Variants in MARK3 observed in about 807,000 individuals in gnomAD.
The protein encoded by MARK3 is microtubule affinity regulating kinase 3.
A neutral mutation model predicts 90.1 loss-of-function variants in MARK3; 46 were observed. The ratio of observed to expected loss-of-function variants is 0.51; its 90% CI spans 0.40 to 0.65. The LOEUF (loss-of-function observed/expected upper bound fraction) is 0.65, where lower values mean the gene tolerates loss of function less well. Among genes scored for constraint, MARK3 ranks in the 30% least tolerant of loss-of-function variants. MARK3 has a pLI of 0.00. For missense variants in MARK3, 818 were observed against 947.2 expected, an observed-to-expected ratio of 0.86 and a Z score of 1.79; for synonymous variants, 321 against 332.6, an observed-to-expected ratio of 0.97 and a Z score of 0.38.
At chr14:103,454,893 C>T (rs767405487) in intron 5 of MARK3, among the ~76,000 whole-genome samples, 1 of 152,196 alleles carries the variant, frequency 6.6e-6, no homozygotes, top group South Asian at 2.1e-4. Context: ...CATCCAGCCA[C>T]CTGTTCCTGC....
At chr14:103,461,246 T>C (rs1175278826) in intron 6 of MARK3, among the ~76,000 whole-genome samples, 1 of 152,226 alleles carries the variant, frequency 6.6e-6, no homozygotes, top group Non-Finnish European at 1.5e-5. Context: ...TAGATGCAAG[T>C]ACAGCAAAAT....
chr14:103,426,600 A>T (rs2092411886), intron 2 of MARK3, among the ~76,000 whole-genome samples: 2 of 152,174 alleles, frequency 1.3e-5, no homozygotes, highest in Non-Finnish European at 2.9e-5. Context: ...GTCATGGCAA[A>T]GCCTCTCTCC....
chr14:103,424,496 A>G (rs1194023522), intron 2 of MARK3, among the ~76,000 whole-genome samples: 1 of 151,114 alleles, frequency 6.6e-6, no homozygotes, highest in Non-Finnish European at 1.5e-5. Flanking sequence ...ACTGCACTCC[A>G]CCCTGGACAA....
intron 3 of MARK3, among the ~76,000 whole-genome samples, chr14:103,430,535 T>A (rs2092551657): frequency 6.6e-6 from 1 of 152,192 alleles, no homozygotes; most frequent in Non-Finnish European, 1.5e-5. Context: ...GATTTAAAGC[T>A]GTGGAGCATG....
chr14:103,392,144 A>G (rs982691578), intron 1 of MARK3, among the ~76,000 whole-genome samples: 1 of 152,156 alleles, frequency 6.6e-6, no homozygotes, highest in Non-Finnish European at 1.5e-5. Flanking sequence ...TGTGAAACTG[A>G]TGATGCTGTT....
chr14:103,455,635 C>T (rs773981933), intron 5 of MARK3, among the ~76,000 whole-genome samples: 1 of 148,844 alleles, frequency 6.7e-6, no homozygotes, highest in East Asian at 2.0e-4. Flanking sequence ...GGCTGAGGCA[C>T]GAGAATTGCT....
intron 11 of MARK3, chr14:103,467,674 C>CAGAAAAAAAA (rs2093537196): frequency 2.2e-5 from 1 of 44,910 alleles, no homozygotes; most frequent in Non-Finnish European, 3.6e-5. Context: ...GACTCTGTCT[C>CAGAAAAAAAA]AAAAAAAAAA....
intron 1 of MARK3, among the ~76,000 whole-genome samples, chr14:103,401,362 T>G (rs2090955596): frequency 6.6e-6 from 1 of 152,154 alleles, no homozygotes; most frequent in Admixed American, 6.6e-5. Flanking sequence ...CTATTATGAT[T>G]GTTGATTTGC....
chr14:103,466,336 T>C lies in MARK3; in HGVS notation c.898-7T>C, dbSNP rs747581833. ...TACTCTGCTAATGAACAGTTTACCT[T>C]TTTTAGCAAATCATGAAGGACAGGT... On this transcript the variant is annotated splice_region_variant and splice_polypyrimidine_tract_variant and intron_variant, in intron 9 of 17. Coordinates refer to ENST00000429436, the MANE Select transcript of MARK3 (RefSeq NM_001128918.3). 1 of 1,601,584 alleles carries C rather than the reference T, an allele frequency of 6.2e-7. No individual in the cohort carries two copies. Among genetic ancestry groups the C allele is most frequent in the South Asian group, 1.1e-5 (1 of 90,250 alleles).
chr14:103,461,014 C>T (rs761490246), intron 6 of MARK3, among the ~76,000 whole-genome samples: 2 of 152,132 alleles, frequency 1.3e-5, no homozygotes. Flanking sequence ...TTTTTGTTAT[C>T]ATCTCATCCT....
chr14:103,440,298 T>C (rs1347288582), intron 3 of MARK3, among the ~76,000 whole-genome samples: 1 of 152,260 alleles, frequency 6.6e-6, no homozygotes, highest in East Asian at 1.9e-4. Flanking sequence ...GGCACACTTG[T>C]GAAGAGTTTC....
chr14:103,480,325 A>AT lies in MARK3; in HGVS notation c.1483-56dup, dbSNP rs566290982. ...CATTCCTATTTATGTAGATAAGTTC[A>AT]TTTTTTCTCATTGTACTGTATTTAC... On this transcript the variant is annotated intron_variant, in intron 13 of 17. Transcript: ENST00000429436. 75 of 998,242 alleles carry AT rather than the reference A, an allele frequency of 7.5e-5. No individual in the cohort carries two copies. The Middle Eastern group carries it at 1.1e-3, about 14-fold the overall frequency. The allele number at this position is 998,242 out of a possible 1,614,324, so 61.8% of individuals were successfully genotyped here. A position where few individuals can be genotyped will look rare whatever the true frequency, so the allele number is the denominator to read the frequency against.
chr14:103,462,524 C>G (rs1369065555), intron 7 of MARK3, 63 bp downstream of exon 7: 3 of 1,254,870 alleles, frequency 2.4e-6, no homozygotes, highest in Admixed American at 3.7e-5. Context: ...TCTCAGTGGT[C>G]ATTACACAAA....
At position 103,423,976 on chromosome 14, in the gene MARK3, C is replaced by T. The variant is rs571380180; in HGVS notation, c.244-4411C>T. Among the ~76,000 whole-genome samples, 44 of 151,822 alleles carry T rather than the reference C, an allele frequency of 2.9e-4. No individual in the cohort carries two copies. The South Asian group carries it at 9.0e-3, about 31-fold the overall frequency. The stretch of plus-strand genomic sequence containing the variant: ...ATTCCAGCACTTTGGGAGGCCGAGG[C>T]GGGTGGATCACCTGAGGTCAGGAGT... On this transcript the variant is annotated intron_variant, in intron 2 of 17. Transcript: ENST00000429436.
chr14:103,409,434 GTA>G (rs1491573105), intron 2 of MARK3, among the ~76,000 whole-genome samples: 1 of 14,076 alleles, frequency 7.1e-5, no homozygotes. Context: ...AGAACTTAAA[GTA>G]AAAAAAAAAA....
chr14:103,399,803 G>A (rs1406940453), intron 1 of MARK3, among the ~76,000 whole-genome samples: 1 of 151,932 alleles, frequency 6.6e-6, no homozygotes, highest in Non-Finnish European at 1.5e-5. Context: ...GGTATTTTAA[G>A]GTAGTTTTGT....
intron 2 of MARK3, among the ~76,000 whole-genome samples, chr14:103,416,798 A>C (rs2091962673): frequency 6.6e-6 from 1 of 152,098 alleles, no homozygotes; most frequent in African/African-American, 2.4e-5. Flanking sequence ...AAAATAAAGT[A>C]AAGAAATAGG....
At chr14:103,429,173 A>G (rs968489996) in intron 3 of MARK3, 2 of 152,226 alleles carry the variant, frequency 1.3e-5, no homozygotes, top group African/African-American at 2.4e-5. Context: ...GTCTTTTTAC[A>G]TACTTCATTT....
At chr14:103,422,067 T>C (rs1488513619) in intron 2 of MARK3, among the ~76,000 whole-genome samples, 1 of 152,254 alleles carries the variant, frequency 6.6e-6, no homozygotes, top group Non-Finnish European at 1.5e-5. Context: ...TATAACATGC[T>C]TGTAGTCTTA....
Sources: gnomAD v4.1 joint callset for allele counts (sites outside exome capture counted in the v4.1 genomes callset) on GRCh38, gnomAD v4.1.1 for gene constraint, MANE v1.5 for transcripts, NCBI Gene and HGNC (gene_info 2026-07-23, HGNC 2026-07-21) for gene names.